Variants in CC2D2B observed in about 807,000 individuals in gnomAD.
The protein encoded by CC2D2B is protein CC2D2B.
CC2D2B carries 128 observed loss-of-function variants against 161.2 expected under a neutral mutation model. That is an observed-to-expected ratio of 0.79 (90% CI 0.69 to 0.92). CC2D2B has a LOEUF of 0.92. Ranked by LOEUF, CC2D2B falls within the 40% of genes least tolerant of loss-of-function variation. The pLI, the probability that CC2D2B is intolerant of heterozygous loss-of-function variation, is 0.00. For synonymous variants in CC2D2B, 391 were observed against 449.8 expected, an observed-to-expected ratio of 0.87 and a Z score of 1.65; for missense variants, 1,173 against 1,375.1, an observed-to-expected ratio of 0.85 and a Z score of 2.32.
At chr10:95,932,838 G>A (rs1435547945) in intron 6 of CC2D2B, among the ~76,000 whole-genome samples, 3 of 152,146 alleles carry the variant, frequency 2.0e-5, no homozygotes, top group African/African-American at 7.2e-5. Flanking sequence ...CAACCTTGGT[G>A]ACTCTGGCGA....
chr10:95,927,462 TAAG>T, intron 6 of CC2D2B, 130 bp downstream of exon 6: 5 of 621,112 alleles, frequency 8.1e-6, no homozygotes. Flanking sequence ...CTCTTTGAAT[TAAG>T]AAGCTGTTCA....
In CC2D2B at chr10:95,935,148, G is replaced by A. The variant is rs112086215; in HGVS notation, c.337-2843G>A. Among the ~76,000 whole-genome samples the A allele has an allele frequency of 3.0e-3, 462 of 152,336 alleles. 3 individuals are homozygous for A. Among genetic ancestry groups the A allele is most frequent in the African/African-American group, 0.01 (428 of 41,586 alleles). ...GGCCTTCCAAAGTGTTGGGATTACA[G>A]GCGTGAGCCACCACATCTGGCCACA... On this transcript the variant is annotated intron_variant, in intron 6 of 34. Transcript: ENST00000646931.
At chr10:95,994,195 G>T (rs1173455705) in intron 22 of CC2D2B, among the ~76,000 whole-genome samples, 1 of 150,810 alleles carries the variant, frequency 6.6e-6, no homozygotes, top group Non-Finnish European at 1.5e-5. Context: ...CAAGAAAGGG[G>T]GCAGGGTAAG....
intron 2 of CC2D2B, among the ~76,000 whole-genome samples, chr10:95,914,636 G>A (rs900757534): frequency 1.3e-4 from 20 of 152,126 alleles, no homozygotes; most frequent in Non-Finnish European, 2.8e-4. Flanking sequence ...TAGGTGTTTG[G>A]CATTTCCCCT....
chr10:95,924,294 T>C lies in CC2D2B; in HGVS notation c.98-20T>C. The C allele has an allele frequency of 7.4e-7, 1 of 1,353,036 alleles. No individual in the cohort carries two copies. The highest frequency in any genetic ancestry group is 2.6e-5 in the East Asian group (1 of 38,236). The allele number at this position is 1,353,036 out of a possible 1,614,324, so 83.8% of individuals were successfully genotyped here. On this transcript the variant is annotated intron_variant, in intron 3 of 34. Transcript: ENST00000646931. ...ATAATAAAGTGTCATAAACTCTTTA[T>C]TATGTTGGTTTCCTGATAGATTTAG...
chr10:95,929,679 C>T (rs1342945893), intron 6 of CC2D2B, among the ~76,000 whole-genome samples: 1 of 152,122 alleles, frequency 6.6e-6, no homozygotes, highest in Non-Finnish European at 1.5e-5. Context: ...TTGTTTTTGT[C>T]AGGTTTATCA....
At chr10:95,923,109 C>T (rs1275820285) in intron 3 of CC2D2B, among the ~76,000 whole-genome samples, 4 of 152,082 alleles carry the variant, frequency 2.6e-5, no homozygotes, top group African/African-American at 7.2e-5. Context: ...TGTGCCACCA[C>T]GCCCAGTTAA....
intron 29 of CC2D2B, among the ~76,000 whole-genome samples, chr10:96,014,959 T>C (rs1490133599): frequency 2.6e-5 from 4 of 152,146 alleles, no homozygotes; most frequent in Non-Finnish European, 5.9e-5. Context: ...TCCATAATGA[T>C]TGGTAAATAG....
rs1345854273 is a variant in CC2D2B, at chr10:95,974,052, T to C, written c.1839T>C (p.Cys613=). 2.4e-6 allele frequency: 3 copies of C among 1,231,512 alleles called. No individual in the cohort carries two copies. The highest frequency in any genetic ancestry group is 2.0e-6 in the Non-Finnish European group (2 of 987,528). 76.3% of individuals were successfully genotyped at this position (1,231,512 alleles called of 1,614,324 possible). A position where few individuals can be genotyped will look rare whatever the true frequency, so the allele number is the denominator to read the frequency against. ...AGGGAAATGGAACTGAAGAACTCTG[T>C]CTTTTGACATCAGGAAAACTTAGCT... ...LLEGNGTEEL[C]LLTSGKLSYS... The change falls in exon 17 of 35, where the codon TGT becomes TGC. Residue 613 remains cysteine (C), a synonymous_variant. Coordinates refer to ENST00000646931, the MANE Select transcript of CC2D2B (RefSeq NM_001349008.3).
intron 19 of CC2D2B, among the ~76,000 whole-genome samples, chr10:95,984,867 C>G (rs2077658288): frequency 6.6e-6 from 1 of 150,736 alleles, no homozygotes. Context: ...GAGACCCTGT[C>G]TTTAAAAAAA....
At chr10:95,939,766 G>A (rs2075958836) in intron 9 of CC2D2B, among the ~76,000 whole-genome samples, 1 of 152,034 alleles carries the variant, frequency 6.6e-6, no homozygotes, top group Non-Finnish European at 1.5e-5. Flanking sequence ...CATGTCTGTT[G>A]GTTATTAGGA....
At chr10:96,025,188 AAAAAATATATATATAT>A (rs2079689249) in intron 33 of CC2D2B, among the ~76,000 whole-genome samples, 1 of 49,598 alleles carries the variant, frequency 2.0e-5, no homozygotes, top group Non-Finnish European at 4.0e-5. Context: ...TATATATAAA[AAAAAATATATATATAT>A]ATATATATAT....
At chr10:96,029,261 T>C (rs1357698425) in intron 34 of CC2D2B, among the ~76,000 whole-genome samples, 35 of 53,426 alleles carry the variant, frequency 6.6e-4, no homozygotes, top group East Asian at 2.1e-3. Context: ...TATATATATA[T>C]ATATATATAT....
chr10:96,025,230 T>C, intron 33 of CC2D2B, among the ~76,000 whole-genome samples: 1 of 127,040 alleles, frequency 7.9e-6, no homozygotes, highest in South Asian at 2.7e-4. Flanking sequence ...TAGCTGGGCA[T>C]GATGGCATAT....
chr10:95,991,902 C>G (rs544875901), intron 21 of CC2D2B, among the ~76,000 whole-genome samples: 32 of 152,208 alleles, frequency 2.1e-4, no homozygotes, highest in Admixed American at 4.6e-4. Context: ...GTTGGGGGAG[C>G]GTTTGCTGAA....
At chr10:95,963,541 G>A (rs939030013) in intron 12 of CC2D2B, among the ~76,000 whole-genome samples, 10 of 152,098 alleles carry the variant, frequency 6.6e-5, no homozygotes, top group Non-Finnish European at 2.9e-5. Flanking sequence ...GAAGCCATGG[G>A]TGTGCATGAA....
chr10:95,947,082 A>ATATATATATAT (rs2076223662), intron 9 of CC2D2B, among the ~76,000 whole-genome samples: 1 of 39,484 alleles, frequency 2.5e-5, no homozygotes, highest in Non-Finnish European at 5.3e-5. Context: ...TGGACTCAAA[A>ATATATATATAT]ATATATATAT....
Position 95,972,158 on chromosome 10 carries a change from A to G in CC2D2B, c.1737A>G (p.Gln579=). 1 of 1,231,992 alleles carries G rather than the reference A, an allele frequency of 8.1e-7. No individual in the cohort carries two copies. Among genetic ancestry groups the G allele is most frequent in the South Asian group, 4.1e-5 (1 of 24,318 alleles). The allele number at this position is 1,231,992 out of a possible 1,614,324, so 76.3% of individuals were successfully genotyped here. A position where few individuals can be genotyped will look rare whatever the true frequency, so the allele number is the denominator to read the frequency against. ...YTELKGKTAL[Q]YVEFSSDKLV... is the part of the protein sequence containing the mutation. The stretch of plus-strand genomic sequence containing the variant: ...AGCTGAAAGGCAAAACCGCTTTGCA[A>G]TATGTAGAGTTTAGCTCTGATAAGC... The change falls in exon 16 of 35, where the codon CAA becomes CAG. Residue 579 remains glutamine (Q), a synonymous_variant. Coordinates refer to ENST00000646931, the MANE Select transcript of CC2D2B (RefSeq NM_001349008.3).
chr10:96,027,447 A>C (rs2079832058), intron 34 of CC2D2B, 58 bp downstream of exon 34: 1 of 1,218,560 alleles, frequency 8.2e-7, no homozygotes, highest in South Asian at 1.6e-5. Flanking sequence ...GTTAATTGCT[A>C]AATAATAGCA....
Sources: allele counts gnomAD v4.1 joint callset (sites outside exome capture counted in the v4.1 genomes callset), GRCh38; gene constraint gnomAD v4.1.1; transcripts MANE v1.5; gene names NCBI Gene and HGNC (gene_info 2026-07-23, HGNC 2026-07-21).